RAB5A: variants seen among roughly 807,000 people sequenced by gnomAD.
RAB5A encodes ras-related protein Rab-5A.
In RAB5A, 8 loss-of-function variants were observed where a neutral mutation model predicts 25.7. That is an observed-to-expected ratio of 0.31 (90% CI 0.18 to 0.56). The LOEUF (loss-of-function observed/expected upper bound fraction) is 0.56. RAB5A is among the 20% of genes least tolerant of loss of function. The pLI is 0.91. For synonymous variants in RAB5A, 98 were observed against 89.8 expected (o/e 1.09, Z -0.52); for missense variants, 192 against 259.7 (o/e 0.74, Z 1.79).
At chr3:19,970,742 G>C (rs1356996571) in intron 2 of RAB5A, 5 of 370,834 alleles carry the variant, frequency 1.3e-5, no homozygotes, top group Non-Finnish European at 2.7e-5. Flanking sequence ...GGTTAATGTT[G>C]CTACAGTATT....
chr3:19,959,010 A>G (rs1696545785), intron 2 of RAB5A, among the ~76,000 whole-genome samples: 1 of 152,220 alleles, frequency 6.6e-6, no homozygotes, highest in African/African-American at 2.4e-5. Flanking sequence ...TAAACAATAC[A>G]GTCAATACAA....
At chr3:19,983,236 C>A (rs1359477856) in intron 5 of RAB5A, among the ~76,000 whole-genome samples, 1 of 149,436 alleles carries the variant, frequency 6.7e-6, no homozygotes, top group Admixed American at 6.8e-5. Context: ...CTCGAGAGGC[C>A]AAGGCACGAG....
chr3:19,950,905 A>G lies in RAB5A; in HGVS notation c.7A>G (p.Ser3Gly), dbSNP rs1696412652. Residue 3 changes from serine (S) to glycine (G), a missense_variant, in exon 2 of 6, where the codon AGT becomes GGT. Physicochemically the swap from Ser to Gly is moderately conservative, Grantham distance 56. Coordinates refer to ENST00000273047, the MANE Select transcript of RAB5A (RefSeq NM_004162.5). ...ACTTATTTCAAATTTGGACATGGCT[A>G]GTCGAGGCGCAACAAGACCCAACGG... Reference protein sequence around the residue: MASRGATRPNGPN... With the variant: MAGRGATRPNGPN... The G allele has an allele frequency of 1.2e-6, 2 of 1,610,204 alleles. No homozygotes were observed. Among genetic ancestry groups the G allele is most frequent in the East Asian group, 2.2e-5 (1 of 44,858 alleles).
rs1168382055 is a variant in RAB5A at position 19,984,335 on chromosome 3, A to G, written c.*512A>G. 4 of 401,846 alleles carry G rather than the reference A, an allele frequency of 1.0e-5. No individual in the cohort carries two copies. The East Asian group carries it at 3.3e-4, about 33-fold the overall frequency. The allele number at this position is 401,846 out of a possible 1,614,324, so 24.9% of individuals were successfully genotyped here. On this transcript the variant is annotated 3_prime_UTR_variant, in exon 6 of 6. Transcript: ENST00000273047. ...GTACATTCCACATTTTAATAAATTA[A>G]CCACAAGAAAATAATCCCACATATA...
intron 5 of RAB5A, among the ~76,000 whole-genome samples, chr3:19,981,399 A>G (rs578013282): frequency 3.9e-5 from 6 of 152,136 alleles, no homozygotes; most frequent in Non-Finnish European, 8.8e-5. Context: ...ACCTGAGGTC[A>G]GGAGTTGGTC....
rs940868093 is a variant in RAB5A, at chr3:19,969,679, C to A, written c.164-5922C>A. 5.9e-5 allele frequency among the ~76,000 whole-genome samples: 9 copies of A among 152,282 alleles called. No homozygotes were observed. The South Asian group carries it at 1.7e-3, about 28-fold the overall frequency. ...TTTGGTCAATTTTAATAAAGCAATT[C>A]TTTCCTGTCAATTTTGATAAATAAT... On this transcript the variant is annotated intron_variant, in intron 2 of 5. Transcript: ENST00000273047.
chr3:19,979,664 C>T (rs1696886079), intron 5 of RAB5A, among the ~76,000 whole-genome samples: 1 of 151,936 alleles, frequency 6.6e-6, no homozygotes, highest in East Asian at 1.9e-4. Flanking sequence ...CTCCTTTTTT[C>T]TATAACAAAA....
intron 2 of RAB5A, among the ~76,000 whole-genome samples, chr3:19,953,153 T>G (rs1260435718): frequency 6.6e-6 from 1 of 152,196 alleles, no homozygotes; most frequent in Non-Finnish European, 1.5e-5. Context: ...ATTTTTATCT[T>G]GTTTTGGATA....
At chr3:19,961,604 A>G (rs1256948274) in intron 2 of RAB5A, among the ~76,000 whole-genome samples, 1 of 152,222 alleles carries the variant, frequency 6.6e-6, no homozygotes, top group Non-Finnish European at 1.5e-5. Flanking sequence ...TTATGCCATC[A>G]TCATGTGTCA....
chr3:19,948,625 T>C (rs1318052688), intron 1 of RAB5A, among the ~76,000 whole-genome samples: 6 of 152,250 alleles, frequency 3.9e-5, no homozygotes, highest in Non-Finnish European at 7.3e-5. Flanking sequence ...CTTAGTGTTA[T>C]GCTAAGTGTA....
At chr3:19,970,970 A>T (rs1413762192) in intron 2 of RAB5A, among the ~76,000 whole-genome samples, 1 of 152,036 alleles carries the variant, frequency 6.6e-6, no homozygotes, top group South Asian at 2.1e-4. Flanking sequence ...GCCAAGGCGG[A>T]TGGATCACCA....
intron 5 of RAB5A, among the ~76,000 whole-genome samples, chr3:19,983,506 A>G (rs551487713): frequency 1.6e-4 from 25 of 152,208 alleles, no homozygotes; most frequent in African/African-American, 2.4e-4. Context: ...CCCCAACACA[A>G]TTACCCCAGA....
intron 2 of RAB5A, among the ~76,000 whole-genome samples, chr3:19,967,508 A>G (rs971641361): frequency 3.9e-5 from 6 of 152,256 alleles, no homozygotes; most frequent in African/African-American, 1.4e-4. Flanking sequence ...TTACATTAAT[A>G]TGTTCTAGCT....
chr3:19,981,895 T>C (rs986071467), intron 5 of RAB5A, among the ~76,000 whole-genome samples: 2 of 152,148 alleles, frequency 1.3e-5, no homozygotes, highest in Non-Finnish European at 2.9e-5. Context: ...GATAATTCTA[T>C]CTGGATTAGG....
At position 19,983,732 on chromosome 3, in the gene RAB5A, C is replaced by T. The variant is rs747492893; in HGVS notation, c.557C>T (p.Pro186Leu). Residue 186 changes from proline (P) to leucine (L), a missense_variant, in exon 6 of 6, where the codon CCA becomes CTA. Pro to Leu is a moderately conservative substitution (Grantham distance 98, BLOSUM62 -3). This residue lies in a region of RAB5A where 121 missense variants were observed against 135.7 expected (regional missense o/e 0.89). Coordinates refer to ENST00000273047, the MANE Select transcript of RAB5A (RefSeq NM_004162.5). ...GCTAAAAAATTGCCAAAGAATGAAC[C>T]ACAAAATCCAGGAGCAAATTCTGCC... is the stretch of plus-strand genomic sequence containing the variant. ...AIAKKLPKNE[P>L]QNPGANSARG... 1.9e-6 allele frequency: 3 copies of T among 1,611,020 alleles called. No individual in the cohort carries two copies. The highest frequency in any genetic ancestry group is 2.2e-5 in the South Asian group (2 of 90,686).
intron 2 of RAB5A, chr3:19,970,419 A>T (rs1002469453): frequency 1.4e-4 from 54 of 386,286 alleles, no homozygotes; most frequent in Non-Finnish European, 2.6e-4. Flanking sequence ...TGAGGCTGAA[A>T]TGTTACTTGC....
chr3:19,955,306 A>C (rs892086359), intron 2 of RAB5A, among the ~76,000 whole-genome samples: 4 of 152,208 alleles, frequency 2.6e-5, no homozygotes, highest in African/African-American at 7.2e-5. Flanking sequence ...TGAAAATAAC[A>C]TTCCTCTTGC....
rs1416362703 is a variant in RAB5A, at chr3:19,954,877, A to G, written c.163+3816A>G. ...ACCATACTTCATGCATCCTACCCCT[A>G]TAGCACTTCTGATGAAATTGCGTGC... is the stretch of plus-strand genomic sequence containing the variant. On this transcript the variant is annotated intron_variant, in intron 2 of 5. Transcript: ENST00000273047. Among the ~76,000 whole-genome samples the G allele has an allele frequency of 3.3e-5, 5 of 152,158 alleles. No homozygotes were observed. In the East Asian group the frequency reaches 9.6e-4, roughly 29 times the overall value.
chr3:19,970,790 T>A (rs1696738689), intron 2 of RAB5A: 1 of 304,258 alleles, frequency 3.3e-6, no homozygotes, highest in Admixed American at 4.4e-5. Context: ...CAGAATTTGT[T>A]TACGTAACTT....
Sources: allele counts gnomAD v4.1 joint callset (sites outside exome capture counted in the v4.1 genomes callset), GRCh38; gene constraint gnomAD v4.1.1; regional missense constraint gnomAD v4.1.1; transcripts MANE v1.5; gene names NCBI Gene and HGNC (gene_info 2026-07-23, HGNC 2026-07-21).